GREB1: variants seen among roughly 807,000 people sequenced by gnomAD.
GREB1 encodes growth regulating estrogen receptor binding 1.
GREB1 carries 106 observed loss-of-function variants against 200.7 expected under a neutral mutation model. The observed-to-expected ratio is 0.53, with a 90% confidence interval of 0.45 to 0.62. The LOEUF is 0.62. Ranked by LOEUF, GREB1 falls within the 20% of genes least tolerant of loss-of-function variation. The pLI, the probability that GREB1 is intolerant of heterozygous loss-of-function variation, is 0.00. For missense variants in GREB1, 2,243 were observed against 2,556.8 expected (o/e 0.88, Z 2.65); for synonymous variants, 1,132 against 1,092.4 (o/e 1.04, Z -0.72).
intron 1 of GREB1, among the ~76,000 whole-genome samples, chr2:11,501,028 AG>A (rs1673023276): frequency 6.6e-6 from 1 of 152,192 alleles, no homozygotes; most frequent in Admixed American, 6.5e-5. Context: ...GTCCCTTCTC[AG>A]GGTCTTACAT....
chr2:11,598,467 C>T (rs990982194), intron 14 of GREB1, among the ~76,000 whole-genome samples: 2 of 152,244 alleles, frequency 1.3e-5, no homozygotes, highest in African/African-American at 4.8e-5. Flanking sequence ...CTGCTGTACA[C>T]ACAGCCAAGG....
chr2:11,576,260 T>G, intron 4 of GREB1, 93 bp from the exon 5 acceptor site: 1 of 1,008,884 alleles, frequency 9.9e-7, no homozygotes, highest in Non-Finnish European at 1.5e-6. Flanking sequence ...CGAGCCGAGA[T>G]CGCACCATTG....
At chr2:11,512,604 G>A (rs1490451289) in intron 1 of GREB1, among the ~76,000 whole-genome samples, 3 of 152,218 alleles carry the variant, frequency 2.0e-5, no homozygotes, top group African/African-American at 7.2e-5. Flanking sequence ...AAGGTGCGGT[G>A]AGCTTGGCGT....
chr2:11,485,275 A>ATATATATATAT (rs1312218903), intron 1 of GREB1, among the ~76,000 whole-genome samples: 1 of 133,776 alleles, frequency 7.5e-6, no homozygotes, highest in African/African-American at 2.8e-5. Flanking sequence ...ATATATATGT[A>ATATATATATAT]TTTTTTTTTT....
At chr2:11,537,252 C>T (rs1222725191) in intron 1 of GREB1, among the ~76,000 whole-genome samples, 1 of 152,196 alleles carries the variant, frequency 6.6e-6, no homozygotes, top group African/African-American at 2.4e-5. Flanking sequence ...TCGTGAGCCA[C>T]CGCGCCGGCC....
At chr2:11,578,834 T>C (rs1203130956) in intron 6 of GREB1, among the ~76,000 whole-genome samples, 5 of 152,332 alleles carry the variant, frequency 3.3e-5, no homozygotes, top group Admixed American at 6.5e-5. Context: ...GCTCCATGAA[T>C]GCCTTGAAGT....
Position 11,618,644 on chromosome 2 carries a change from C to G in GREB1, c.3769C>G (p.Pro1257Ala). The G allele has an allele frequency of 6.2e-7, 1 of 1,613,656 alleles. No individual in the cohort carries two copies. The highest frequency in any genetic ancestry group is 2.2e-5 in the East Asian group (1 of 44,882). The change falls in exon 22 of 33, where the codon CCC becomes GCC. Residue 1257 changes from proline to alanine, a missense_variant. Physicochemically the swap from Pro to Ala is conservative, Grantham distance 27. This residue lies in a region of GREB1 where 587 missense variants were observed against 553.1 expected (regional missense o/e 1.06). Transcript: ENST00000381486. ...CSLTKACRQPPIVFLPKLVYD... is the reference protein window; with the variant it reads ...CSLTKACRQPAIVFLPKLVYD... ...CTTGACCAAGGCCTGCCGCCAGCCA[C>G]CCATTGTCTTCTTGCCCAAGCTCGT...
At chr2:11,634,833 C>T (rs1009852377) in intron 29 of GREB1, among the ~76,000 whole-genome samples, 8 of 152,174 alleles carry the variant, frequency 5.3e-5, no homozygotes, top group Non-Finnish European at 1.2e-4. Context: ...GGTTCTGCTG[C>T]GTATTAGCTT....
At chr2:11,621,046 C>T in intron 23 of GREB1, 39 bp downstream of exon 23, 1 of 1,100,006 alleles carries the variant, frequency 9.1e-7, no homozygotes, top group South Asian at 1.2e-5. Context: ...CTTGGAGCCA[C>T]CTTCATCACT....
At chr2:11,582,990 A>G (rs550631802) in intron 7 of GREB1, among the ~76,000 whole-genome samples, 1 of 152,276 alleles carries the variant, frequency 6.6e-6, no homozygotes, top group Admixed American at 6.5e-5. Context: ...CAGAGCGGGC[A>G]GGATGCACAA....
At chr2:11,524,085 A>T (rs1339092839) in intron 1 of GREB1, among the ~76,000 whole-genome samples, 1 of 152,204 alleles carries the variant, frequency 6.6e-6, no homozygotes, top group African/African-American at 2.4e-5. Flanking sequence ...TACACATTGC[A>T]TTTAAATTTG....
chr2:11,537,336 T>C (rs867053027), intron 1 of GREB1, among the ~76,000 whole-genome samples: 4 of 152,170 alleles, frequency 2.6e-5, no homozygotes, highest in Middle Eastern at 3.2e-3. Context: ...TTGGTAAGAA[T>C]TGTTACTATT....
chr2:11,617,300 A>G (rs2148344053), intron 21 of GREB1, among the ~76,000 whole-genome samples: 1 of 152,330 alleles, frequency 6.6e-6, no homozygotes, highest in South Asian at 2.1e-4. Flanking sequence ...CTGGTGAGAA[A>G]CAGAGGCCCC....
intron 32 of GREB1, among the ~76,000 whole-genome samples, chr2:11,639,414 C>T (rs1050477645): frequency 1.3e-5 from 2 of 152,228 alleles, no homozygotes; most frequent in Non-Finnish European, 2.9e-5. Context: ...AACCCAAATC[C>T]TTCACATCGG....
intron 1 of GREB1, among the ~76,000 whole-genome samples, chr2:11,486,511 A>G (rs947592443): frequency 3.3e-5 from 5 of 151,934 alleles, no homozygotes; most frequent in Non-Finnish European, 7.4e-5. Context: ...CATAGAAGTA[A>G]TATATATTTG....
At chr2:11,575,933 C>T (rs79557405) in intron 4 of GREB1, among the ~76,000 whole-genome samples, 7,873 of 152,210 alleles carry the variant, frequency 0.052, 678 homozygotes, top group African/African-American at 0.18. Context: ...CAAGTTTGCC[C>T]AGGCCCATCT....
chr2:11,635,772 T>G (rs1190627095), intron 30 of GREB1, among the ~76,000 whole-genome samples: 1 of 152,176 alleles, frequency 6.6e-6, no homozygotes, highest in Non-Finnish European at 1.5e-5. Context: ...GCTGGCCCCA[T>G]AGTCATACTA....
At chr2:11,494,379 C>T (rs1432402814) in intron 1 of GREB1, among the ~76,000 whole-genome samples, 2 of 152,252 alleles carry the variant, frequency 1.3e-5, no homozygotes, top group African/African-American at 4.8e-5. Flanking sequence ...AATGTTCATT[C>T]TTGGGTCCCC....
intron 17 of GREB1, among the ~76,000 whole-genome samples, chr2:11,607,407 C>T (rs1158135153): frequency 6.7e-6 from 1 of 148,194 alleles, no homozygotes; most frequent in Non-Finnish European, 1.5e-5. Context: ...TAATCTGCTG[C>T]CAATTTCATC....
Sources: allele counts gnomAD v4.1 joint callset (sites outside exome capture counted in the v4.1 genomes callset), GRCh38; gene constraint gnomAD v4.1.1; regional missense constraint gnomAD v4.1.1; transcripts MANE v1.5; gene names NCBI Gene and HGNC (gene_info 2026-07-23, HGNC 2026-07-21).